Variants in APOH observed in about 807,000 individuals in gnomAD.
The protein encoded by APOH is beta-2-glycoprotein 1.
A neutral mutation model predicts 39.8 loss-of-function variants in APOH; 48 were observed. The ratio of observed to expected loss-of-function variants is 1.21; its 90% CI spans 0.96 to 1.54. The LOEUF (loss-of-function observed/expected upper bound fraction) is 1.54, where lower values mean the gene tolerates loss of function less well. APOH is among the 40% of genes most tolerant of loss of function. The pLI, the probability that APOH is intolerant of heterozygous loss-of-function variation, is 0.00. For synonymous variants in APOH, 153 were observed against 151.1 expected (o/e 1.01, Z -0.09); for missense variants, 415 against 421.2 (o/e 0.99, Z 0.13).
In APOH at chr17:66,212,205, AG is replaced by A; in HGVS notation, c.983-18del. Reference sequence around the variant, plus strand: ...AACTGTGTTCTGTTGGGGGAGAAAAAGATAAACATTCTAAGAGAAACAATCA... The same window carrying A: ...AACTGTGTTCTGTTGGGGGAGAAAAAATAAACATTCTAAGAGAAACAATCA... On this transcript the variant is annotated intron_variant, in intron 7 of 7. Coordinates refer to ENST00000205948, the MANE Select transcript of APOH (RefSeq NM_000042.3). 1 of 1,607,834 alleles carries A rather than the reference AG, an allele frequency of 6.2e-7. No homozygotes were observed. The highest frequency in any genetic ancestry group is 8.5e-7 in the Non-Finnish European group (1 of 1,174,874).
intron 4 of APOH, 104 bp from the exon 5 acceptor site, chr17:66,220,846 G>A (rs2073394074): frequency 1.3e-5 from 15 of 1,171,702 alleles, no homozygotes; most frequent in Middle Eastern, 2.8e-4. Context: ...TTGAGAAAAT[G>A]CAAACTGATC....
chr17:66,212,147 C>T lies in APOH; in HGVS notation c.1024G>A (p.Val342Ile). 6.2e-7 allele frequency: 1 copy of T among 1,613,896 alleles called. No homozygotes were observed. Among genetic ancestry groups the T allele is most frequent in the Non-Finnish European group, 8.5e-7 (1 of 1,179,804 alleles). The change falls in exon 8 of 8, where the codon GTA becomes ATA. Residue 342 changes from valine to isoleucine, a missense_variant. By Grantham distance (29) the Val-to-Ile change is conservative. Transcript: ENST00000205948. ...LAFWKTDASDVKPC is the reference protein window; with the variant it reads ...LAFWKTDASDIKPC ...TGAAAACCACCTTAGCATGGCTTTACATCGGATGCATCAGTTTTCCAAAAA... is the reference window on the plus strand; with the variant it reads ...TGAAAACCACCTTAGCATGGCTTTATATCGGATGCATCAGTTTTCCAAAAA...
intron 3 of APOH, among the ~76,000 whole-genome samples, chr17:66,224,637 AG>A (rs2073424753): frequency 3.9e-5 from 2 of 51,860 alleles, no homozygotes; most frequent in African/African-American, 8.7e-5. Context: ...AGAAAGGAAG[AG>A]AAGGGAAGGG....
chr17:66,223,951 T>C (rs8178911), intron 3 of APOH, among the ~76,000 whole-genome samples, 177 bp from the exon 4 acceptor site: 16 of 152,266 alleles, frequency 1.1e-4, no homozygotes, highest in African/African-American at 3.6e-4. Context: ...TCCCAACCAA[T>C]GATGCAGGTG....
At chr17:66,224,084 T>A (rs1180802059) in intron 3 of APOH, among the ~76,000 whole-genome samples, 1 of 152,178 alleles carries the variant, frequency 6.6e-6, no homozygotes, top group Non-Finnish European at 1.5e-5. Flanking sequence ...TTTTTCAGGA[T>A]GACAAAAGTG....
intron 6 of APOH, among the ~76,000 whole-genome samples, chr17:66,214,990 T>C (rs1010477481): frequency 6.6e-6 from 1 of 151,560 alleles, no homozygotes; most frequent in African/African-American, 2.4e-5. Flanking sequence ...CCCTCTCAGA[T>C]TGCATTCATT....
Position 66,226,020 on chromosome 17 carries a change from G to T in APOH, c.338+8C>A, listed in dbSNP as rs756122937. 1.2e-6 allele frequency: 2 copies of T among 1,602,094 alleles called. No homozygotes were observed. Among genetic ancestry groups the T allele is most frequent in the South Asian group, 1.1e-5 (1 of 90,068 alleles). On this transcript the variant is annotated splice_region_variant and intron_variant, in intron 3 of 7. Coordinates refer to ENST00000205948, the MANE Select transcript of APOH (RefSeq NM_000042.3). Reference sequence around the variant, plus strand: ...CTGTTAACTGCTTAGTTCCATGAAAGTTCTTACCCAGTGTTACAAGAAAAA... The same window carrying T: ...CTGTTAACTGCTTAGTTCCATGAAATTTCTTACCCAGTGTTACAAGAAAAA...
intron 2 of APOH, among the ~76,000 whole-genome samples, chr17:66,227,805 A>C (rs2073448606): frequency 6.6e-6 from 1 of 152,132 alleles, no homozygotes; most frequent in Non-Finnish European, 1.5e-5. Context: ...CCCTAGTTTC[A>C]GGCTATGATC....
rs1431314087 is a variant in APOH at position 66,220,739 on chromosome 17, A to T, written c.419T>A (p.Ile140Asn). Residue 140 changes from isoleucine (I) to asparagine (N), a missense_variant, in exon 5 of 8, where the codon ATC becomes AAC. Ile to Asn is a moderately radical substitution (Grantham distance 149). Coordinates refer to ENST00000205948, the MANE Select transcript of APOH (RefSeq NM_000042.3). ...AGGTATGGATGGTGGAGGGCAGATG[A>T]TGGCTGGGAAAATAAAGAACTATCA... ...WSPELPVCAP[I>N]ICPPPSIPTF... 1.2e-6 allele frequency: 2 copies of T among 1,603,318 alleles called. No individual in the cohort carries two copies.
intron 4 of APOH, among the ~76,000 whole-genome samples, chr17:66,223,330 C>T (rs889863421): frequency 6.9e-6 from 1 of 144,834 alleles, no homozygotes; most frequent in Non-Finnish European, 1.5e-5. Flanking sequence ...TTTGATCTCA[C>T]TGTTTGCAGA....
At position 66,212,509 on chromosome 17, in the gene APOH, C is replaced by T. The variant is rs8178946; in HGVS notation, c.983-321G>A. Among the ~76,000 whole-genome samples, 158 of 152,210 alleles carry T rather than the reference C, an allele frequency of 1.0e-3. 1 individual carries two copies. Among genetic ancestry groups the T allele is most frequent in the African/African-American group, 3.2e-3 (134 of 41,526 alleles). On this transcript the variant is annotated intron_variant, in intron 7 of 7. Transcript: ENST00000205948. ...AAGTGATTCTCCTGTCTCAGCCTCC[C>T]GAGTAGCTGGGACTACAGGCACGTG...
At chr17:66,213,316 T>C (rs2073346221) in intron 7 of APOH, among the ~76,000 whole-genome samples, 1 of 152,248 alleles carries the variant, frequency 6.6e-6, no homozygotes, top group African/African-American at 2.4e-5. Context: ...CGCTGGCCAT[T>C]ACACACTTCT....
At chr17:66,224,629 A>G (rs865911677) in intron 3 of APOH, among the ~76,000 whole-genome samples, 2 of 128,632 alleles carry the variant, frequency 1.6e-5, no homozygotes, top group African/African-American at 6.5e-5. Flanking sequence ...AAGAAAGAAG[A>G]AAGGAAGAGA....
chr17:66,218,691 A>G (rs962491401), intron 5 of APOH, among the ~76,000 whole-genome samples: 4 of 152,208 alleles, frequency 2.6e-5, no homozygotes, highest in Admixed American at 2.0e-4. Context: ...AAAAATGTCA[A>G]TGAAAGACAA....
intron 2 of APOH, 58 bp from the exon 3 acceptor site, chr17:66,226,182 G>A: frequency 4.2e-6 from 5 of 1,202,512 alleles, no homozygotes; most frequent in South Asian, 1.4e-5. Context: ...AACATAAACA[G>A]GTAAATTTCT....
Position 66,221,266 on chromosome 17 carries a change from AAAGGAAGGAAGG to A in APOH, c.416-536_416-525del, listed in dbSNP as rs369169198. Among the ~76,000 whole-genome samples, 3 of 120,556 alleles carry A rather than the reference AAAGGAAGGAAGG, an allele frequency of 2.5e-5. No homozygotes were observed. The East Asian group carries it at 6.9e-4, about 28-fold the overall frequency. 79.1% of individuals were successfully genotyped at this position (120,556 alleles called of 152,430 possible). A position where few individuals can be genotyped will look rare whatever the true frequency, so the allele number is the denominator to read the frequency against. On this transcript the variant is annotated intron_variant, in intron 4 of 7. Transcript: ENST00000205948. The stretch of plus-strand genomic sequence containing the variant: ...CAGAAAGAAAGAGAGAGAGAGAAAG[AAAGGAAGGAAGG>A]AAGGAAGGAAGGAAGTCAGAAGGGA...
chr17:66,220,860 T>A, intron 4 of APOH, 118 bp from the exon 5 acceptor site: 1 of 1,080,840 alleles, frequency 9.3e-7, no homozygotes, highest in Non-Finnish European at 1.3e-6. Context: ...ACTGATCAAA[T>A]TAGCAGGGTA....
intron 4 of APOH, among the ~76,000 whole-genome samples, chr17:66,221,358 G>GAAAGAAAGAA (rs2073399803): frequency 1.2e-5 from 1 of 82,074 alleles, no homozygotes; most frequent in Non-Finnish European, 2.3e-5. Context: ...AAAGAAAGAG[G>GAAAGAAAGAA]AGGGGAGGGG....
intron 3 of APOH, among the ~76,000 whole-genome samples, chr17:66,224,957 C>T (rs946934483): frequency 5.9e-5 from 9 of 151,464 alleles, no homozygotes; most frequent in African/African-American, 9.7e-5. Context: ...ATCCCAGCTA[C>T]TTGGGAAGCT....
Sources: allele counts gnomAD v4.1 joint callset (sites outside exome capture counted in the v4.1 genomes callset), GRCh38; gene constraint gnomAD v4.1.1; transcripts MANE v1.5; gene names NCBI Gene and HGNC (gene_info 2026-07-23, HGNC 2026-07-21).